Variants in LMX1B observed in about 807,000 individuals in gnomAD.
The protein encoded by LMX1B is LIM homeobox transcription factor 1 beta, also known as LIM homeobox transcription factor 1-beta.
Under a neutral mutation model 51.4 loss-of-function variants are expected in LMX1B, and 12 were observed. That is an observed-to-expected ratio of 0.23 (90% confidence interval 0.15 to 0.38). The LOEUF is 0.38. Ranked by LOEUF, LMX1B falls within the 10% of genes least tolerant of loss-of-function variation. The pLI is 1.00. For missense variants in LMX1B, 445 were observed against 571.1 expected (o/e 0.78, Z 2.25); for synonymous variants, 237 against 235.4 (o/e 1.01, Z -0.06).
At chr9:126,642,627 C>T (rs911020067) in intron 2 of LMX1B, among the ~76,000 whole-genome samples, 27 of 152,238 alleles carry the variant, frequency 1.8e-4, no homozygotes, top group African/African-American at 5.1e-4. Context: ...CCGTCTCCCT[C>T]ACTGCATGGG....
At chr9:126,688,326 C>T (rs1473478082) in intron 2 of LMX1B, among the ~76,000 whole-genome samples, 1 of 152,228 alleles carries the variant, frequency 6.6e-6, no homozygotes, top group Non-Finnish European at 1.5e-5. Flanking sequence ...GCCCTGCTGC[C>T]CCTTCCCCAG....
intron 2 of LMX1B, among the ~76,000 whole-genome samples, chr9:126,674,921 C>A (rs1836525460): frequency 6.6e-6 from 1 of 152,218 alleles, no homozygotes; most frequent in Non-Finnish European, 1.5e-5. Context: ...TCAATGACTT[C>A]CCCGTGGCTC....
intron 1 of LMX1B, among the ~76,000 whole-genome samples, chr9:126,614,796 G>A (rs965407244): frequency 1.3e-5 from 2 of 152,260 alleles, no homozygotes; most frequent in Admixed American, 1.3e-4. Flanking sequence ...AGCTCCAGTC[G>A]CCACCCACCA....
intron 2 of LMX1B, among the ~76,000 whole-genome samples, chr9:126,636,173 G>A (rs1440622399): frequency 2.0e-5 from 3 of 152,184 alleles, no homozygotes; most frequent in African/African-American, 7.2e-5. Context: ...GCTGCTGTGT[G>A]CCTTGTCCTG....
intron 7 of LMX1B, 88 bp from the exon 8 acceptor site, chr9:126,696,206 C>A: frequency 7.4e-7 from 1 of 1,353,352 alleles, no homozygotes; most frequent in Non-Finnish European, 1.1e-6. Flanking sequence ...CTCTCCCTGG[C>A]CTCCAGTCAC....
intron 2 of LMX1B, among the ~76,000 whole-genome samples, chr9:126,649,308 C>T (rs1311914362): frequency 6.6e-6 from 1 of 152,192 alleles, no homozygotes; most frequent in Admixed American, 6.5e-5. Context: ...CACTTGCTTG[C>T]TTAAAAGCCT....
intron 2 of LMX1B, among the ~76,000 whole-genome samples, chr9:126,684,238 GGT>G (rs1836731477): frequency 1.3e-5 from 2 of 152,288 alleles, no homozygotes; most frequent in East Asian, 3.9e-4. Flanking sequence ...GAATCTGCCT[GGT>G]CCCCAGTGCG....
chr9:126,637,803 G>A (rs555121519), intron 2 of LMX1B, among the ~76,000 whole-genome samples: 2 of 151,216 alleles, frequency 1.3e-5, no homozygotes, highest in Non-Finnish European at 3.0e-5. Flanking sequence ...ACTGCCTTCA[G>A]GGACTGTGGT....
intron 2 of LMX1B, among the ~76,000 whole-genome samples, chr9:126,644,824 C>T (rs1472328495): frequency 2.0e-5 from 3 of 152,154 alleles, no homozygotes; most frequent in Admixed American, 1.3e-4. Flanking sequence ...CTTCCTTAGG[C>T]GGGAGCTGGT....
At chr9:126,693,721 G>A (rs564912543) in intron 5 of LMX1B, 25 bp from the exon 6 acceptor site, 17 of 1,567,732 alleles carry the variant, frequency 1.1e-5, no homozygotes, top group East Asian at 4.7e-5. Context: ...GGGCAGCACC[G>A]GCCTGAACTG....
In LMX1B at chr9:126,673,016, C is replaced by T. The variant is rs1015638954; in HGVS notation, c.327-17820C>T. ...CCCACACAAAGCAAGAGGCTCTTTT[C>T]GGCTTTTGCCCAACCACATGCTGAC... On this transcript the variant is annotated intron_variant, in intron 2 of 7. Transcript: ENST00000373474. The surrounding 1 kb of genome is among the most constrained non-coding windows in gnomAD (Gnocchi z 4.4). 2.0e-5 allele frequency among the ~76,000 whole-genome samples: 3 copies of T among 152,248 alleles called. No homozygotes were observed. Among genetic ancestry groups the T allele is most frequent in the Non-Finnish European group, 4.4e-5 (3 of 68,038 alleles).
chr9:126,681,042 C>T (rs1323081370), intron 2 of LMX1B, among the ~76,000 whole-genome samples: 1 of 152,148 alleles, frequency 6.6e-6, no homozygotes, highest in African/African-American at 2.4e-5. Context: ...GTCTGGTCCC[C>T]ACAGAAGCCT....
At chr9:126,649,586 G>A (rs1333515975) in intron 2 of LMX1B, among the ~76,000 whole-genome samples, 3 of 152,204 alleles carry the variant, frequency 2.0e-5, no homozygotes, top group Admixed American at 2.0e-4. Flanking sequence ...GTGATGCTGA[G>A]GCCACTGATG....
Position 126,614,441 on chromosome 9 carries a change from C to G in LMX1B, c.-9C>G. ...CGGCCGGCGGGGTCCGCAGCGCGCC[C>G]CGCGTCCCATGGATATAGCAACAGG... On this transcript the variant is annotated 5_prime_UTR_variant, in exon 1 of 8. Coordinates refer to ENST00000373474, the MANE Select transcript of LMX1B (RefSeq NM_001174147.2). 1.3e-6 allele frequency: 2 copies of G among 1,495,656 alleles called. No homozygotes were observed. The highest frequency in any genetic ancestry group is 2.9e-5 in the East Asian group (1 of 34,644). The allele number at this position is 1,495,656 out of a possible 1,614,324, so 92.6% of individuals were successfully genotyped here.
At chr9:126,679,061 C>T (rs946851879) in intron 2 of LMX1B, among the ~76,000 whole-genome samples, 3 of 152,120 alleles carry the variant, frequency 2.0e-5, no homozygotes, top group Non-Finnish European at 2.9e-5. Flanking sequence ...AGATCTGACA[C>T]TCCGCTCGCA....
rs2118951409 is a variant in LMX1B, at chr9:126,673,969, T to C, written c.327-16867T>C. Among the ~76,000 whole-genome samples the C allele has an allele frequency of 6.6e-6, 1 of 152,264 alleles. No homozygotes were observed. Among genetic ancestry groups the C allele is most frequent in the African/African-American group, 2.4e-5 (1 of 41,538 alleles). On this transcript the variant is annotated intron_variant, in intron 2 of 7. Transcript: ENST00000373474. The surrounding 1 kb of genome is among the most constrained non-coding windows in gnomAD (Gnocchi z 4.4). ...CTTGTCTGTCCGTCTGTTTGGGAGA[T>C]GCTGGCTGATAGATGGGGATGGGCG...
chr9:126,635,549 G>T (rs951946653), intron 2 of LMX1B, among the ~76,000 whole-genome samples: 8 of 152,218 alleles, frequency 5.3e-5, no homozygotes, highest in African/African-American at 1.7e-4. Flanking sequence ...TTCGGAGGAG[G>T]CTGGCGGTCT....
rs1212723823 is a variant in LMX1B at position 126,614,106 on chromosome 9, G to GCCGCCACCGCCA, written c.-338_-327dup. Among the ~76,000 whole-genome samples, 2 of 108,140 alleles carry GCCGCCACCGCCA rather than the reference G, an allele frequency of 1.8e-5. No individual in the cohort carries two copies. Among genetic ancestry groups the GCCGCCACCGCCA allele is most frequent in the Non-Finnish European group, 3.7e-5 (2 of 53,692 alleles). 70.9% of individuals were successfully genotyped at this position (108,140 alleles called of 152,430 possible). On this transcript the variant is annotated 5_prime_UTR_variant, in exon 1 of 8. Transcript: ENST00000373474. ...CCCACCCCCTCCCCCGCCTGCCGCC[G>GCCGCCACCGCCA]CCGCCACCGCCACCGCCGCCGCCGC...
chr9:126,682,894 GAAAAAAA>G (rs577172677), intron 2 of LMX1B, among the ~76,000 whole-genome samples: 11 of 86,132 alleles, frequency 1.3e-4, no homozygotes, highest in African/African-American at 2.6e-4. Flanking sequence ...CACTCTGTCT[GAAAAAAA>G]AAAAAAAAAA....
Sources: allele counts gnomAD v4.1 joint callset (sites outside exome capture counted in the v4.1 genomes callset), GRCh38; gene constraint gnomAD v4.1.1; non-coding constraint Gnocchi (gnomAD v3.1); transcripts MANE v1.5; gene names NCBI Gene and HGNC (gene_info 2026-07-23, HGNC 2026-07-21).